Variants in PIK3C2G observed in about 807,000 individuals in gnomAD.
PIK3C2G encodes phosphatidylinositol-4-phosphate 3-kinase catalytic subunit type 2 gamma.
Under a neutral mutation model 181.1 loss-of-function variants are expected in PIK3C2G, and 168 were observed. The ratio of observed to expected loss-of-function variants is 0.93; its 90% CI spans 0.82 to 1.05. The LOEUF (loss-of-function observed/expected upper bound fraction) is 1.05. Among genes scored for constraint, PIK3C2G ranks in the 50% least tolerant of loss-of-function variants. PIK3C2G has a pLI of 0.00. For synonymous variants in PIK3C2G, 573 were observed against 592.2 expected, an observed-to-expected ratio of 0.97 and a Z score of 0.47; for missense variants, 1,869 against 1,732.8, an observed-to-expected ratio of 1.08 and a Z score of -1.40.
chr12:18,324,634 T>C (rs1418017003), intron 7 of PIK3C2G, among the ~76,000 whole-genome samples: 1 of 152,216 alleles, frequency 6.6e-6, no homozygotes, highest in Non-Finnish European at 1.5e-5. Flanking sequence ...CTATTATAAA[T>C]ATAAGCCATT....
At chr12:18,515,324 G>C (rs952270197) in intron 24 of PIK3C2G, among the ~76,000 whole-genome samples, 1 of 151,900 alleles carries the variant, frequency 6.6e-6, no homozygotes, top group Admixed American at 6.6e-5. Flanking sequence ...TTTTCAAATA[G>C]AATTCAGCAG....
At chr12:18,303,254 TCTTC>T (rs1950281960) in intron 5 of PIK3C2G, among the ~76,000 whole-genome samples, 2 of 150,026 alleles carry the variant, frequency 1.3e-5, no homozygotes, top group South Asian at 4.3e-4. Flanking sequence ...CTTCCTTCCT[TCTTC>T]CTTCCTTCCC....
chr12:18,562,807 C>CAAT lies in PIK3C2G; in HGVS notation c.3695_3696insAAT (p.Thr1232_Phe1233insIle). The CAAT allele has an allele frequency of 6.2e-7, 1 of 1,608,048 alleles. No homozygotes were observed. Among genetic ancestry groups the CAAT allele is most frequent in the Admixed American group, 1.7e-5 (1 of 59,344 alleles). On this transcript the variant is annotated inframe_insertion, in exon 27 of 33. Transcript: ENST00000538779. ...AGCCCTGCCAAATCTACTTCACAGA[C>CAAT]TTTTCCTCAGGAATCCTGTTTGCTG... is the stretch of plus-strand genomic sequence containing the variant.
intron 18 of PIK3C2G, among the ~76,000 whole-genome samples, chr12:18,429,685 T>C (rs1171212936): frequency 6.6e-6 from 1 of 152,138 alleles, no homozygotes; most frequent in East Asian, 1.9e-4. Context: ...ACTCAGTAGA[T>C]ACTCAAAAAA....
At chr12:18,365,583 T>C (rs1453193366) in intron 12 of PIK3C2G, among the ~76,000 whole-genome samples, 4 of 152,180 alleles carry the variant, frequency 2.6e-5, no homozygotes, top group Non-Finnish European at 5.9e-5. Context: ...TGGCTGACTC[T>C]TACCTCACTG....
the PIK3C2G span, among the ~76,000 whole-genome samples, chr12:18,666,447 A>G: frequency 6.6e-6 from 1 of 152,120 alleles, no homozygotes; most frequent in African/African-American, 2.4e-5. Flanking sequence ...AATTTTTAAA[A>G]TGGACTTCAA....
At chr12:18,354,525 C>T (rs1940530419) in intron 11 of PIK3C2G, among the ~76,000 whole-genome samples, 1 of 152,170 alleles carries the variant, frequency 6.6e-6, no homozygotes, top group South Asian at 2.1e-4. Context: ...GTCTGGATTG[C>T]CCTGCAAGGT....
At chr12:18,495,007 T>C (rs1400930784) in intron 20 of PIK3C2G, among the ~76,000 whole-genome samples, 1 of 152,116 alleles carries the variant, frequency 6.6e-6, no homozygotes, top group Non-Finnish European at 1.5e-5. Context: ...AAACTCTTGC[T>C]TATGATTCAG....
At chr12:18,573,002 G>T (rs1946048548) in intron 29 of PIK3C2G, among the ~76,000 whole-genome samples, 1 of 152,042 alleles carries the variant, frequency 6.6e-6, no homozygotes, top group Non-Finnish European at 1.5e-5. Flanking sequence ...AGTAAGCATA[G>T]TTATTTTTAA....
At chr12:18,547,033 G>C (rs1028384020) in intron 26 of PIK3C2G, among the ~76,000 whole-genome samples, 1 of 151,792 alleles carries the variant, frequency 6.6e-6, no homozygotes, top group Non-Finnish European at 1.5e-5. Context: ...GCAAATTTTA[G>C]GTGCTCAATA....
chr12:18,261,377 T>C (rs1271266307), upstream of PIK3C2G, among the ~76,000 whole-genome samples: 1 of 152,160 alleles, frequency 6.6e-6, no homozygotes, highest in East Asian at 1.9e-4. Context: ...GCAAACCTTT[T>C]TTCTTTTTTT....
chr12:18,439,364 C>T (rs1946613853), intron 18 of PIK3C2G, among the ~76,000 whole-genome samples: 1 of 151,986 alleles, frequency 6.6e-6, no homozygotes, highest in African/African-American at 2.4e-5. Flanking sequence ...CCCTCATCTG[C>T]CTGCTAGTAT....
At chr12:18,257,084 A>G (rs945806184), upstream of PIK3C2G, among the ~76,000 whole-genome samples, 5 of 152,140 alleles carry the variant, frequency 3.3e-5, no homozygotes, top group Non-Finnish European at 5.9e-5. Flanking sequence ...AGAATATTGC[A>G]TGCTTTAATC....
intron 18 of PIK3C2G, among the ~76,000 whole-genome samples, chr12:18,470,088 C>T (rs1938315227): frequency 6.6e-6 from 1 of 152,036 alleles, no homozygotes; most frequent in South Asian, 2.1e-4. Flanking sequence ...CATCCTTCTG[C>T]TTCTGACCAC....
chr12:18,688,345 G>A, the PIK3C2G span: 1 of 932,428 alleles, frequency 1.1e-6, no homozygotes, highest in East Asian at 2.6e-5. Flanking sequence ...AACATTGAAA[G>A]TGGAATACAA....
the PIK3C2G span, chr12:18,693,626 A>G: frequency 3.2e-6 from 5 of 1,565,292 alleles, no homozygotes; most frequent in Non-Finnish European, 4.4e-6. Flanking sequence ...CATTGTGTTT[A>G]TTGATGAAAT....
At chr12:18,559,819 T>TAC (rs1394303421) in intron 26 of PIK3C2G, among the ~76,000 whole-genome samples, 7 of 19,930 alleles carry the variant, frequency 3.5e-4, no homozygotes, top group African/African-American at 1.3e-3. Context: ...TATATATATA[T>TAC]ATAGAGAGAG....
intron 18 of PIK3C2G, among the ~76,000 whole-genome samples, chr12:18,447,848 A>G (rs368493570): frequency 2.4e-4 from 36 of 152,322 alleles, no homozygotes; most frequent in African/African-American, 8.4e-4. Context: ...GAAAATGTTA[A>G]GCAAAATTGT....
chr12:18,584,014 A>C (rs184307866), intron 29 of PIK3C2G, among the ~76,000 whole-genome samples: 1 of 151,168 alleles, frequency 6.6e-6, no homozygotes, highest in Non-Finnish European at 1.5e-5. Context: ...TTTTTTAAAT[A>C]GACAGTTTTT....
Sources: gnomAD v4.1 joint callset for allele counts (sites outside exome capture counted in the v4.1 genomes callset) on GRCh38, gnomAD v4.1.1 for gene constraint, MANE v1.5 for transcripts, NCBI Gene and HGNC (gene_info 2026-07-23, HGNC 2026-07-21) for gene names.